Variants in GCSH observed in about 807,000 individuals in gnomAD.
GCSH encodes glycine cleavage system protein H, also known as glycine cleavage system H protein, mitochondrial.
Under a neutral mutation model 21.3 loss-of-function variants are expected in GCSH, and 15 were observed. The observed-to-expected ratio is 0.70, with a 90% CI of 0.47 to 1.08. The LOEUF (loss-of-function observed/expected upper bound fraction) is 1.08. GCSH is among the 50% of genes least tolerant of loss of function. GCSH has a pLI of 0.00. For missense variants in GCSH, 179 were observed against 217.5 expected (o/e 0.82, Z 1.11); for synonymous variants, 59 against 84.5 (o/e 0.70, Z 1.66).
intron 2 of GCSH, 70 bp downstream of exon 2, chr16:81,090,531 T>C: frequency 9.2e-7 from 1 of 1,085,326 alleles, no homozygotes; most frequent in Non-Finnish European, 1.4e-6. Flanking sequence ...CTAAACACTT[T>C]TAAAAAGGTA....
Position 81,082,964 on chromosome 16 carries a change from C to A in GCSH, c.425-1G>T, listed in dbSNP as rs386833859. 2 of 1,574,556 alleles carry A rather than the reference C, an allele frequency of 1.3e-6. No individual in the cohort carries two copies. The highest frequency in any genetic ancestry group is 4.5e-5 in the East Asian group (2 of 44,620). ...CTCAGTGTCATCTTGATCAGCCAAC[C>A]TGCAACCAAAAGACAACCTTATATT... On this transcript the variant is annotated splice_acceptor_variant, in intron 4 of 4. Coordinates refer to ENST00000315467, the MANE Select transcript of GCSH (RefSeq NM_004483.5). LOFTEE classifies it high-confidence loss of function.
intron 3 of GCSH, among the ~76,000 whole-genome samples, chr16:81,086,738 C>A (rs8177921): frequency 1.3e-5 from 2 of 151,720 alleles, no homozygotes; most frequent in African/African-American, 4.8e-5. Context: ...CAAATTTAAT[C>A]GAAAAAAAAT....
In GCSH at chr16:81,095,008, G is replaced by A. The variant is rs878977811; in HGVS notation, c.148+1123C>T. Among the ~76,000 whole-genome samples, 7 of 151,776 alleles carry A rather than the reference G, an allele frequency of 4.6e-5. No individual in the cohort carries two copies. The East Asian group carries it at 9.8e-4, about 21-fold the overall frequency. On this transcript the variant is annotated intron_variant, in intron 1 of 4. Coordinates refer to ENST00000315467, the MANE Select transcript of GCSH (RefSeq NM_004483.5). ...CTCGGGAGGCTGAGGCAAGAGAATC[G>A]CTTGAATCTGGGAGGTGGCGCTTGC...
chr16:81,094,143 G>A (rs911512152), intron 1 of GCSH, among the ~76,000 whole-genome samples: 4 of 151,994 alleles, frequency 2.6e-5, no homozygotes, highest in Admixed American at 6.6e-5. Context: ...CAGGTGATCC[G>A]CCCGCCTCAG....
chr16:81,095,377 A>ATTTTTTTTTTTTTTTTTTT (rs78295348), intron 1 of GCSH, among the ~76,000 whole-genome samples: 1 of 146,338 alleles, frequency 6.8e-6, no homozygotes, highest in Non-Finnish European at 1.5e-5. Flanking sequence ...TGGCGCTTTA[A>ATTTTTTTTTTTTTTTTTTT]TTTTTTTTTT....
intron 1 of GCSH, among the ~76,000 whole-genome samples, chr16:81,092,746 A>G (rs1327736016): frequency 6.6e-6 from 1 of 151,020 alleles, no homozygotes; most frequent in Non-Finnish European, 1.5e-5. Flanking sequence ...CAGTCTCAAA[A>G]AAAACAAACA....
At position 81,082,565 on chromosome 16, in the gene GCSH, T is replaced by A. The variant is rs1330556051; in HGVS notation, c.*301A>T. The A allele has an allele frequency of 2.9e-6, 1 of 339,984 alleles. No homozygotes were observed. Among genetic ancestry groups the A allele is most frequent in the Non-Finnish European group, 5.5e-6 (1 of 183,000 alleles). The allele number at this position is 339,984 out of a possible 1,614,324, so 21.1% of individuals were successfully genotyped here. ...ATTATATAAGGCTTAAGAATAACAA[T>A]GTTATCTTTGAATTATGTAATTTTT... On this transcript the variant is annotated 3_prime_UTR_variant, in exon 5 of 5. Transcript: ENST00000315467.
chr16:81,094,432 GA>G (rs1972459547), intron 1 of GCSH, among the ~76,000 whole-genome samples: 1 of 151,532 alleles, frequency 6.6e-6, no homozygotes. Context: ...TTGAACCCGG[GA>G]AGCGAAGGTT....
intron 3 of GCSH, among the ~76,000 whole-genome samples, chr16:81,087,251 C>A (rs112737872): frequency 6.9e-4 from 105 of 152,164 alleles, no homozygotes; most frequent in African/African-American, 2.4e-3. Context: ...ATTGGCTGGG[C>A]ACGGTGGCTC....
intron 1 of GCSH, among the ~76,000 whole-genome samples, chr16:81,094,131 C>T (rs1202983173): frequency 1.3e-5 from 2 of 152,012 alleles, no homozygotes; most frequent in Admixed American, 1.3e-4. Flanking sequence ...AACTCCTGAC[C>T]TCAGGTGATC....
Position 81,082,341 on chromosome 16 carries a change from T to G in GCSH, c.*525A>C. The G allele has an allele frequency of 2.3e-6, 1 of 438,940 alleles. No homozygotes were observed. Among genetic ancestry groups the G allele is most frequent in the South Asian group, 1.6e-5 (1 of 61,634 alleles). The allele number at this position is 438,940 out of a possible 1,614,324, so 27.2% of individuals were successfully genotyped here. ...AAACATGATTAACGAAGAAGTATTTTATTATTTTGCTGCAAAGCTGTTGCT... is the reference window on the plus strand; with the variant it reads ...AAACATGATTAACGAAGAAGTATTTGATTATTTTGCTGCAAAGCTGTTGCT... On this transcript the variant is annotated 3_prime_UTR_variant, in exon 5 of 5. Coordinates refer to ENST00000315467, the MANE Select transcript of GCSH (RefSeq NM_004483.5).
chr16:81,084,296 C>CT (rs1972227334), intron 4 of GCSH, 167 bp downstream of exon 4: 2 of 690,628 alleles, frequency 2.9e-6, no homozygotes, highest in South Asian at 1.7e-5. Context: ...TTAAACATAA[C>CT]TTTAAGTATT....
intron 4 of GCSH, chr16:81,083,358 A>C: frequency 4.4e-6 from 1 of 225,688 alleles, no homozygotes; most frequent in Non-Finnish European, 8.9e-6. Flanking sequence ...TCTCTACCAA[A>C]ACCACAAAAA....
chr16:81,094,411 A>G (rs1219355829), intron 1 of GCSH, among the ~76,000 whole-genome samples: 1 of 151,646 alleles, frequency 6.6e-6, no homozygotes, highest in Non-Finnish European at 1.5e-5. Flanking sequence ...AGGCTGAGGC[A>G]GGAGAAGTGT....
intron 1 of GCSH, among the ~76,000 whole-genome samples, chr16:81,091,539 A>C (rs930918754): frequency 1.3e-5 from 2 of 152,220 alleles, no homozygotes; most frequent in African/African-American, 4.8e-5. Context: ...CTTGCCTTAG[A>C]GAATAATATT....
At chr16:81,091,762 G>GT (rs1443727103) in intron 1 of GCSH, among the ~76,000 whole-genome samples, 1 of 152,060 alleles carries the variant, frequency 6.6e-6, no homozygotes, top group Non-Finnish European at 1.5e-5. Flanking sequence ...GCAGCACAAC[G>GT]TAAGTAGAGT....
intron 4 of GCSH, chr16:81,083,446 A>C: frequency 5.6e-6 from 1 of 179,614 alleles, no homozygotes; most frequent in South Asian, 1.1e-4. Context: ...GAACCCGAGA[A>C]GGGGAGGTTG....
chr16:81,095,101 GAAA>G (rs56957840), intron 1 of GCSH, among the ~76,000 whole-genome samples: 91 of 144,742 alleles, frequency 6.3e-4, no homozygotes, highest in Middle Eastern at 7.1e-3. Flanking sequence ...TCAATAAAAA[GAAA>G]AAAAAAAAAA....
At position 81,084,576 on chromosome 16, in the gene GCSH, T is replaced by G. The variant is rs1468269649; in HGVS notation, c.311A>C (p.Glu104Ala). The stretch of plus-strand genomic sequence containing the variant: ...GAGTTCACTAGCAGCTTTCACACTT[T>G]CCAAAGCACCAAACTCATCTAAGTG... ...LNKQDEFGAL[E>A]SVKAASELYS... is the part of the protein sequence containing the mutation. Residue 104 changes from glutamate (E) to alanine (A), a missense_variant, in exon 4 of 5, where the codon GAA (glutamate) becomes GCA (alanine). Glu to Ala is a moderately radical substitution (Grantham distance 107). Coordinates refer to ENST00000315467, the MANE Select transcript of GCSH (RefSeq NM_004483.5). 1 of 1,607,260 alleles carries G rather than the reference T, an allele frequency of 6.2e-7. No homozygotes were observed. Among genetic ancestry groups the G allele is most frequent in the Non-Finnish European group, 8.5e-7 (1 of 1,174,318 alleles).
Sources: allele counts gnomAD v4.1 joint callset (sites outside exome capture counted in the v4.1 genomes callset), GRCh38; gene constraint gnomAD v4.1.1; transcripts MANE v1.5; gene names NCBI Gene and HGNC (gene_info 2026-07-23, HGNC 2026-07-21).